The following MARF1 variants were observed in gnomAD, a reference collection of about 807,000 sequenced individuals.
The protein encoded by MARF1 is meiosis regulator and mRNA stability factor 1.
MARF1 carries 24 observed loss-of-function variants against 168.2 expected under a neutral mutation model. The observed-to-expected ratio is 0.14, with a 90% CI of 0.10 to 0.20. MARF1 has a LOEUF of 0.20. MARF1 is among the 10% of genes least tolerant of loss of function. The pLI, the probability that MARF1 is intolerant of heterozygous loss-of-function variation, is 1.00. For synonymous variants in MARF1, 868 were observed against 822.4 expected (o/e 1.06, Z -0.95); for missense variants, 1,744 against 2,143.6 (o/e 0.81, Z 3.68).
intron 21 of MARF1, 59 bp from the exon 22 acceptor site, chr16:15,604,457 C>T: frequency 8.4e-7 from 1 of 1,190,426 alleles, no homozygotes; most frequent in Non-Finnish European, 1.2e-6. Flanking sequence ...TAGGTTATAC[C>T]CAACTCAGCT....
chr16:15,629,133 A>G (rs530393338), intron 7 of MARF1, among the ~76,000 whole-genome samples: 1 of 152,128 alleles, frequency 6.6e-6, no homozygotes, highest in African/African-American at 2.4e-5. Flanking sequence ...CTCCCAGGAA[A>G]AAACACCGTA....
At chr16:15,628,064 A>G (rs1225192423) in intron 7 of MARF1, among the ~76,000 whole-genome samples, 1 of 152,240 alleles carries the variant, frequency 6.6e-6, no homozygotes, top group African/African-American at 2.4e-5. Context: ...AACTGGGTAT[A>G]AACAAAATGT....
intron 7 of MARF1, among the ~76,000 whole-genome samples, chr16:15,628,927 C>A (rs2035058681): frequency 6.6e-6 from 1 of 151,966 alleles, no homozygotes; most frequent in Non-Finnish European, 1.5e-5. Context: ...GAAAAAACAT[C>A]CAGCAAAACT....
intron 23 of MARF1, chr16:15,601,343 C>T (rs1468477200): frequency 6.6e-6 from 2 of 303,418 alleles, no homozygotes; most frequent in East Asian, 1.6e-4. Flanking sequence ...GGATCCTAGC[C>T]CAGTTCCCTT....
At chr16:15,614,343 C>T (rs895792869) in intron 16 of MARF1, among the ~76,000 whole-genome samples, 3 of 147,840 alleles carry the variant, frequency 2.0e-5, no homozygotes, top group Admixed American at 1.4e-4. Context: ...AATAGCCGGG[C>T]GTGGTGGCAG....
chr16:15,597,063 A>G (rs1178667521), intron 26 of MARF1, 126 bp from the exon 27 acceptor site: 33 of 1,078,900 alleles, frequency 3.1e-5, no homozygotes, highest in East Asian at 2.6e-4. Flanking sequence ...TGCTACATCT[A>G]TGCCACAGTT....
At chr16:15,600,387 G>C (rs555074800) in intron 25 of MARF1, 41 bp downstream of exon 25, 1 of 1,612,688 alleles carries the variant, frequency 6.2e-7, no homozygotes, top group African/African-American at 1.3e-5. Flanking sequence ...GTTTCTCCTA[G>C]AATTTCACAA....
In MARF1 at chr16:15,611,676, C is replaced by T. The variant is rs1423391841; in HGVS notation, c.3533G>A (p.Arg1178His). Residue 1178 changes from arginine (R) to histidine (H), a missense_variant, in exon 18 of 27, where the codon CGC becomes CAC. Around this residue, in one of 7 missense-constraint regions of MARF1, gnomAD observed 543 missense variants for 742.1 expected, o/e 0.73. Coordinates refer to ENST00000396368, the MANE Select transcript of MARF1 (RefSeq NM_014647.4). The part of the protein sequence containing the change: ...LTLTHRAQVK[R>H]FTQDLLKLLK... Reference sequence around the variant, plus strand: ...AAGTTTTAGTAAATCCTGAGTAAAGCGCTTCACCTGGGCCCTGTGGGTAAG... The same window carrying T: ...AAGTTTTAGTAAATCCTGAGTAAAGTGCTTCACCTGGGCCCTGTGGGTAAG... The T allele has an allele frequency of 1.1e-5, 18 of 1,613,942 alleles. No homozygotes were observed. Among genetic ancestry groups the T allele is most frequent in the Non-Finnish European group, 1.4e-5 (17 of 1,179,982 alleles).
At chr16:15,627,379 C>A (rs778306310) in intron 7 of MARF1, among the ~76,000 whole-genome samples, 1 of 151,778 alleles carries the variant, frequency 6.6e-6, no homozygotes, top group Non-Finnish European at 1.5e-5. Context: ...CAGCACTTTG[C>A]GAGGCCAAAG....
Position 15,631,428 on chromosome 16 carries a change from C to G in MARF1, c.1304G>C (p.Arg435Thr). ...ADDKLRQSLR[R>T]FANTHTAPAT... ...TGGAGCAGTGTGTGTATTTGCAAAT[C>G]TGCGGAGACTCTGCCGCAGTTTATC... The change falls in exon 6 of 27, where the codon AGA becomes ACA. Residue 435 changes from arginine to threonine, a missense_variant. Arg to Thr is a moderately conservative substitution (Grantham distance 71). This residue lies in a region of MARF1 where 217 missense variants were observed against 372.4 expected (regional missense o/e 0.58). Coordinates refer to ENST00000396368, the MANE Select transcript of MARF1 (RefSeq NM_014647.4). The G allele has an allele frequency of 6.2e-7, 1 of 1,613,376 alleles. No individual in the cohort carries two copies. The highest frequency in any genetic ancestry group is 8.5e-7 in the Non-Finnish European group (1 of 1,179,478).
intron 7 of MARF1, among the ~76,000 whole-genome samples, chr16:15,627,607 C>CA (rs1459919267): frequency 2.0e-5 from 3 of 151,680 alleles, no homozygotes; most frequent in Admixed American, 6.6e-5. Context: ...GACAGAGTCT[C>CA]AAAAAAATTT....
intron 16 of MARF1, among the ~76,000 whole-genome samples, chr16:15,615,477 T>C (rs1320147039): frequency 6.6e-6 from 1 of 151,948 alleles, no homozygotes; most frequent in Admixed American, 6.6e-5. Flanking sequence ...TACAAAAAAT[T>C]AGCTGGGCGT....
intron 11 of MARF1, 65 bp from the exon 12 acceptor site, chr16:15,621,976 AG>A: frequency 6.8e-7 from 1 of 1,476,396 alleles, no homozygotes. Context: ...TTAAAACTGA[AG>A]GTGAACCATG....
At chr16:15,638,901 G>A (rs1368541489) in intron 2 of MARF1, among the ~76,000 whole-genome samples, 189 bp downstream of exon 2, 2 of 152,208 alleles carry the variant, frequency 1.3e-5, no homozygotes, top group South Asian at 2.1e-4. Context: ...TACTCAAAGT[G>A]AAATAGAAGA....
chr16:15,625,676 C>T lies in MARF1; in HGVS notation c.1649G>A (p.Ser550Asn). The T allele has an allele frequency of 3.7e-6, 6 of 1,614,216 alleles. No individual in the cohort carries two copies. The highest frequency in any genetic ancestry group is 1.1e-5 in the South Asian group (1 of 91,086). The part of the protein sequence containing the change: ...GGKVLSITGC[S>N]AILRFINQDS... Reference sequence around the variant, plus strand: ...TTGGTTTATGAAGCGGAGAATTGCACTGCAGCCTGTGATACTCAGCACTTT... The same window carrying T: ...TTGGTTTATGAAGCGGAGAATTGCATTGCAGCCTGTGATACTCAGCACTTT... Residue 550 changes from serine (S) to asparagine (N), a missense_variant, in exon 8 of 27, where the codon AGT becomes AAT. Coordinates refer to ENST00000396368, the MANE Select transcript of MARF1 (RefSeq NM_014647.4).
intron 18 of MARF1, 42 bp downstream of exon 18, chr16:15,611,550 C>T (rs1457644045): frequency 1.0e-5 from 16 of 1,582,812 alleles, no homozygotes; most frequent in Non-Finnish European, 1.4e-5. Flanking sequence ...ATAAAATGTC[C>T]TAAAATATTT....
chr16:15,635,854 C>G lies in MARF1; in HGVS notation c.633G>C (p.Gln211His). The change falls in exon 3 of 27, where the codon CAG becomes CAC. Residue 211 changes from glutamine (Q) to histidine (H), a missense_variant. By Grantham distance (24) the Gln-to-His change is conservative. Around this residue, in one of 7 missense-constraint regions of MARF1, gnomAD observed 318 missense variants for 336.6 expected, o/e 0.94. Transcript: ENST00000396368. ...SCHGNVHKLH[Q>H]FPSLQGCTSA... is the part of the protein sequence containing the mutation. Reference sequence around the variant, plus strand: ...AGGTGCAGCCCTGCAGACTCGGAAACTGATGCAGCTTGTGCACATTACCAT... The same window carrying G: ...AGGTGCAGCCCTGCAGACTCGGAAAGTGATGCAGCTTGTGCACATTACCAT... 1 of 1,614,214 alleles carries G rather than the reference C, an allele frequency of 6.2e-7. No homozygotes were observed.
At chr16:15,618,152 C>T (rs1289354739) in intron 13 of MARF1, among the ~76,000 whole-genome samples, 1 of 152,136 alleles carries the variant, frequency 6.6e-6, no homozygotes, top group Non-Finnish European at 1.5e-5. Context: ...GTGATGATAG[C>T]GCCTATCTCA....
chr16:15,600,510 G>T lies in MARF1; in HGVS notation c.4731C>A (p.Asn1577Lys), dbSNP rs759440829. 3 of 1,614,212 alleles carry T rather than the reference G, an allele frequency of 1.9e-6. No individual in the cohort carries two copies. The highest frequency in any genetic ancestry group is 1.6e-4 in the Middle Eastern group (1 of 6,062). ...GGATGCGCTCGCCCTCCGAGGGCTG[G>T]TTTTCATGATTGGCAGGGGAGAGAC... ...SLSLSPANHE[N>K]QPSEGERILE... The change falls in exon 25 of 27, where the codon AAC (asparagine) becomes AAA (lysine). Residue 1577 changes from asparagine (N) to lysine (K), a missense_variant. This residue lies in a region of MARF1 where 313 missense variants were observed against 337.4 expected (regional missense o/e 0.93). Coordinates refer to ENST00000396368, the MANE Select transcript of MARF1 (RefSeq NM_014647.4).
Sources: gnomAD v4.1 joint callset for allele counts (sites outside exome capture counted in the v4.1 genomes callset) on GRCh38, gnomAD v4.1.1 for gene constraint, gnomAD v4.1.1 regional missense constraint, MANE v1.5 for transcripts, NCBI Gene and HGNC (gene_info 2026-07-23, HGNC 2026-07-21) for gene names.